The following ZNF654 variants were observed in gnomAD, a reference collection of about 807,000 sequenced individuals.
The protein encoded by ZNF654 is zinc finger protein 654.
Under a neutral mutation model 95.3 loss-of-function variants are expected in ZNF654, and 19 were observed. The ratio of observed to expected loss-of-function variants is 0.20; its 90% CI spans 0.14 to 0.29. The LOEUF is 0.29. ZNF654 is among the 10% of genes least tolerant of loss of function. The probability of loss-of-function intolerance (pLI) is 1.00; values close to 1 mark genes in which losing one functional copy is unlikely to be tolerated. For synonymous variants in ZNF654, 413 were observed against 457.9 expected (o/e 0.90, Z 1.25); for missense variants, 1,046 against 1,341.0 (o/e 0.78, Z 3.44).
chr3:88,068,812 C>G (rs1248614248), intron 1 of ZNF654, among the ~76,000 whole-genome samples: 2 of 152,034 alleles, frequency 1.3e-5, no homozygotes, highest in African/African-American at 4.8e-5. Context: ...ATGGCTTGAC[C>G]AAGTCCTGTA....
At chr3:88,092,121 A>C (rs1703778142) in intron 2 of ZNF654, among the ~76,000 whole-genome samples, 1 of 152,222 alleles carries the variant, frequency 6.6e-6, no homozygotes, top group Non-Finnish European at 1.5e-5. Flanking sequence ...CAGAGAAGTT[A>C]ATTATATTTT....
chr3:88,139,915 C>T lies in ZNF654; in HGVS notation c.2246C>T (p.Pro749Leu). 6.2e-7 allele frequency: 1 copy of T among 1,613,496 alleles called. No individual in the cohort carries two copies. The highest frequency in any genetic ancestry group is 8.5e-7 in the Non-Finnish European group (1 of 1,179,726). Residue 749 changes from proline (P) to leucine (L), a missense_variant, in exon 8 of 9, where the codon CCT becomes CTT. Transcript: ENST00000636215. Reference protein sequence around the residue: ...ATDQEGNFKCPALGCVRIFKR... With the variant: ...ATDQEGNFKCLALGCVRIFKR... ...GATCAAGAAGGAAACTTTAAGTGTC[C>T]TGCTCTTGGTTGTGTCCGGATATTT...
intron 3 of ZNF654, 145 bp from the exon 4 acceptor site, chr3:88,125,989 C>T (rs1039464458): frequency 2.5e-6 from 2 of 794,780 alleles, no homozygotes; most frequent in Admixed American, 3.3e-5. Flanking sequence ...TTTCGACACC[C>T]TACTTAGGTT....
At chr3:88,060,666 G>A (rs1268904143) in intron 1 of ZNF654, among the ~76,000 whole-genome samples, 1 of 152,182 alleles carries the variant, frequency 6.6e-6, no homozygotes, top group Admixed American at 6.5e-5. Flanking sequence ...TATGTGAAGG[G>A]TTTGAATCAG....
intron 7 of ZNF654, among the ~76,000 whole-genome samples, chr3:88,135,925 A>T (rs1441928705): frequency 6.6e-6 from 1 of 152,114 alleles, no homozygotes; most frequent in Non-Finnish European, 1.5e-5. Context: ...TAAATAATAC[A>T]TTTTAATTTT....
At chr3:88,063,283 T>A (rs1020735890) in intron 1 of ZNF654, among the ~76,000 whole-genome samples, 1 of 152,178 alleles carries the variant, frequency 6.6e-6, no homozygotes, top group Non-Finnish European at 1.5e-5. Flanking sequence ...ACTTTGGGAC[T>A]CTTAGTGGGT....
intron 3 of ZNF654, among the ~76,000 whole-genome samples, chr3:88,116,100 A>AT (rs1263080679): frequency 1.3e-5 from 2 of 152,132 alleles, no homozygotes; most frequent in Admixed American, 6.5e-5. Flanking sequence ...GCTGGAGGAA[A>AT]TAGCAGGTGG....
chr3:88,119,075 C>G (rs1705593850), intron 3 of ZNF654, among the ~76,000 whole-genome samples: 1 of 149,642 alleles, frequency 6.7e-6, no homozygotes, highest in Non-Finnish European at 1.5e-5. Flanking sequence ...GCTATAAAGA[C>G]ACATGCACAC....
intron 6 of ZNF654, among the ~76,000 whole-genome samples, chr3:88,133,495 T>C (rs1576345550): frequency 2.0e-5 from 3 of 152,242 alleles, no homozygotes; most frequent in African/African-American, 7.2e-5. Flanking sequence ...GGTATCACTT[T>C]AGTTTGGGGT....
At chr3:88,064,490 T>A (rs768188601) in intron 1 of ZNF654, among the ~76,000 whole-genome samples, 1 of 152,164 alleles carries the variant, frequency 6.6e-6, no homozygotes, top group Non-Finnish European at 1.5e-5. Context: ...TGGGGGAGAT[T>A]TTGAACTGAT....
intron 2 of ZNF654, among the ~76,000 whole-genome samples, chr3:88,111,688 T>C (rs1451340179): frequency 6.6e-6 from 1 of 152,004 alleles, no homozygotes; most frequent in Non-Finnish European, 1.5e-5. Flanking sequence ...TATATGTATA[T>C]TTCGAGGATG....
At chr3:88,135,033 G>C (rs76902616) in intron 6 of ZNF654, 28 bp from the exon 7 acceptor site, 21,892 of 1,344,846 alleles carry the variant, frequency 0.016, 287 homozygotes, top group Non-Finnish European at 0.017. Flanking sequence ...CTGTATTTTT[G>C]ATAATTCTCT....
chr3:88,129,343 AAAC>A (rs1209508077), intron 5 of ZNF654, among the ~76,000 whole-genome samples: 1 of 151,074 alleles, frequency 6.6e-6, no homozygotes, highest in African/African-American at 2.4e-5. Flanking sequence ...AAAAAAAAAA[AAAC>A]CCAAGAAGCA....
intron 2 of ZNF654, among the ~76,000 whole-genome samples, chr3:88,095,245 C>T (rs1430414736): frequency 6.6e-6 from 1 of 151,920 alleles, no homozygotes; most frequent in African/African-American, 2.4e-5. Flanking sequence ...ATAGGACTAT[C>T]AGTTATGTTA....
chr3:88,064,561 A>T (rs1707088923), intron 1 of ZNF654, among the ~76,000 whole-genome samples: 1 of 151,976 alleles, frequency 6.6e-6, no homozygotes, highest in African/African-American at 2.4e-5. Flanking sequence ...CAAATTCCTG[A>T]GATGTTCTGG....
In ZNF654 at chr3:88,139,461, A is replaced by C; in HGVS notation, c.1792A>C (p.Ile598Leu). The C allele has an allele frequency of 6.2e-7, 1 of 1,613,852 alleles. No homozygotes were observed. The stretch of plus-strand genomic sequence containing the variant: ...GCATTTGAAGAATCATGTTAAGAAG[A>C]TACAGAGGCAGCAAATTGCTGCAGC... ...QKHLKNHVKK[I>L]QRQQIAAAQQ... The change falls in exon 8 of 9, where the codon ATA becomes CTA. Residue 598 changes from isoleucine to leucine, a missense_variant. By Grantham distance (5) the Ile-to-Leu change is conservative (BLOSUM62 2). Around this residue, in one of 9 missense-constraint regions of ZNF654, gnomAD observed 495 missense variants for 537.0 expected, o/e 0.92. Transcript: ENST00000636215.
Position 88,139,767 on chromosome 3 carries a change from T to G in ZNF654, c.2098T>G (p.Tyr700Asp). Residue 700 changes from tyrosine to aspartate, a missense_variant, in exon 8 of 9, where the codon TAT becomes GAT. By Grantham distance (160) the Tyr-to-Asp change is radical. Around this residue, in one of 9 missense-constraint regions of ZNF654, gnomAD observed 495 missense variants for 537.0 expected, o/e 0.92. Coordinates refer to ENST00000636215, the MANE Select transcript of ZNF654 (RefSeq NM_001350134.2). Reference sequence around the variant, plus strand: ...GCCTTTAACTGAATGTGGGGATGATTATGAGGAGGAAGAGGATGAAGAAGG... The same window carrying G: ...GCCTTTAACTGAATGTGGGGATGATGATGAGGAGGAAGAGGATGAAGAAGG... ...FKPLTECGDD[Y>D]EEEEDEEGDY... 6.4e-7 allele frequency: 1 copy of G among 1,554,416 alleles called. No individual in the cohort carries two copies. The highest frequency in any genetic ancestry group is 8.7e-7 in the Non-Finnish European group (1 of 1,148,288).
At chr3:88,101,875 AT>A (rs1168476648) in intron 2 of ZNF654, among the ~76,000 whole-genome samples, 1 of 152,050 alleles carries the variant, frequency 6.6e-6, no homozygotes, top group Non-Finnish European at 1.5e-5. Context: ...GTAGTATGTC[AT>A]TTTGTTTTTA....
chr3:88,099,182 A>G (rs904844619), intron 2 of ZNF654, among the ~76,000 whole-genome samples: 3 of 152,200 alleles, frequency 2.0e-5, no homozygotes, highest in East Asian at 3.8e-4. Context: ...GCATTCCTCT[A>G]CACCAATAAC....
Sources: gnomAD v4.1 joint callset for allele counts (sites outside exome capture counted in the v4.1 genomes callset) on GRCh38, gnomAD v4.1.1 for gene constraint, gnomAD v4.1.1 regional missense constraint, MANE v1.5 for transcripts, NCBI Gene and HGNC (gene_info 2026-07-23, HGNC 2026-07-21) for gene names.